The following ART3 variants were observed in gnomAD, a reference collection of about 807,000 sequenced individuals.
The protein encoded by ART3 is ADP-ribosyltransferase 3 (inactive), also known as ecto-ADP-ribosyltransferase 3.
ART3 carries 49 observed loss-of-function variants against 48.5 expected under a neutral mutation model. The ratio of observed to expected loss-of-function variants is 1.01; its 90% CI spans 0.80 to 1.28. ART3 has a LOEUF of 1.28. Among genes scored for constraint, ART3 ranks in the 50% most tolerant of loss-of-function variants. The probability of loss-of-function intolerance (pLI) is 0.00; values close to 1 mark genes in which losing one functional copy is unlikely to be tolerated. For missense variants in ART3, 438 were observed against 454.3 expected (o/e 0.96, Z 0.33); for synonymous variants, 145 against 157.2 (o/e 0.92, Z 0.58).
At chr4:76,112,260 A>G in intron 11 of ART3, 126 bp from the exon 12 acceptor site, 1 of 1,198,842 alleles carries the variant, frequency 8.3e-7, no homozygotes, top group Non-Finnish European at 1.1e-6. Flanking sequence ...TTTGGCTGGA[A>G]GTATTTCAGG....
intron 1 of ART3, among the ~76,000 whole-genome samples, chr4:76,017,972 C>A (rs897272904): frequency 6.6e-6 from 1 of 152,234 alleles, no homozygotes; most frequent in African/African-American, 2.4e-5. Flanking sequence ...TCTTTCCTAC[C>A]TGGTTTTAAC....
At chr4:76,055,662 C>A (rs540681776) in intron 1 of ART3, among the ~76,000 whole-genome samples, 1 of 152,176 alleles carries the variant, frequency 6.6e-6, no homozygotes, top group Admixed American at 6.5e-5. Flanking sequence ...AAATGTGGAA[C>A]AATTTGGGAT....
At chr4:76,100,014 C>T (rs1726917365) in intron 5 of ART3, among the ~76,000 whole-genome samples, 1 of 152,182 alleles carries the variant, frequency 6.6e-6, no homozygotes, top group African/African-American at 2.4e-5. Flanking sequence ...TTAGCTGACT[C>T]TTCAACAAAG....
chr4:76,043,550 G>A (rs1228392439), intron 1 of ART3, among the ~76,000 whole-genome samples: 2 of 152,116 alleles, frequency 1.3e-5, no homozygotes, highest in East Asian at 1.9e-4. Flanking sequence ...CTCATTGCCC[G>A]GGGCCGGCAG....
In ART3 at chr4:76,101,037, A is replaced by G. The variant is rs908241625; in HGVS notation, c.937+18A>G. On this transcript the variant is annotated intron_variant, in intron 8 of 11. Transcript: ENST00000355810. Reference sequence around the variant, plus strand: ...AGACCATGGTAAGACATTTATGTAAATTCTGGGGGCTTACATTTTGCAATA... The same window carrying G: ...AGACCATGGTAAGACATTTATGTAAGTTCTGGGGGCTTACATTTTGCAATA... 6.2e-7 allele frequency: 1 copy of G among 1,612,660 alleles called. No individual in the cohort carries two copies. The highest frequency in any genetic ancestry group is 8.5e-7 in the Non-Finnish European group (1 of 1,179,736).
intron 1 of ART3, among the ~76,000 whole-genome samples, chr4:76,059,386 G>A (rs12510335): frequency 0.58 from 83,392 of 142,822 alleles, 24,851 homozygotes; most frequent in East Asian, 0.93. Flanking sequence ...TTTTTTTCCT[G>A]AGCTTTATTT....
In ART3 at chr4:76,112,383, C is replaced by A; in HGVS notation, c.1037-3C>A. The A allele has an allele frequency of 6.2e-7, 1 of 1,612,038 alleles. No homozygotes were observed. Among genetic ancestry groups the A allele is most frequent in the Non-Finnish European group, 8.5e-7 (1 of 1,179,254 alleles). ...GTCAGTGACTGTGTATTCTTGTTAA[C>A]AGCTCCAGGTCCAGTTCCTGTTCCA... On this transcript the variant is annotated splice_region_variant and splice_polypyrimidine_tract_variant and intron_variant, in intron 11 of 11. Transcript: ENST00000355810.
At chr4:76,013,914 C>A (rs1441363082) in intron 1 of ART3, among the ~76,000 whole-genome samples, 3 of 152,178 alleles carry the variant, frequency 2.0e-5, no homozygotes, top group African/African-American at 7.2e-5. Flanking sequence ...GCATTTCCTA[C>A]CTTTTTAAGA....
At chr4:76,109,607 A>G (rs541236192) in intron 11 of ART3, among the ~76,000 whole-genome samples, 15 of 152,336 alleles carry the variant, frequency 9.8e-5, no homozygotes, top group African/African-American at 3.4e-4. Flanking sequence ...CAGTTATACA[A>G]CTGGCAGTGC....
rs1203546303 is a variant in ART3 at position 76,098,135 on chromosome 4, A to G, written c.814+459A>G. Among the ~76,000 whole-genome samples the G allele has an allele frequency of 3.9e-5, 6 of 152,142 alleles. No homozygotes were observed. In the East Asian group the frequency reaches 1.2e-3, roughly 29 times the overall value. ...GAATATAGGTCGAGGAAGGAGGAGA[A>G]TGGGATGACAGAAGGGTAATGCGGT... is the stretch of plus-strand genomic sequence containing the variant. On this transcript the variant is annotated intron_variant, in intron 4 of 11. Coordinates refer to ENST00000355810, the MANE Select transcript of ART3 (RefSeq NM_001130016.3).
intron 1 of ART3, among the ~76,000 whole-genome samples, chr4:76,042,819 TGTGG>T: frequency 6.6e-6 from 1 of 151,972 alleles, no homozygotes; most frequent in Non-Finnish European, 1.5e-5. Context: ...GCTTCCACAG[TGTGG>T]AAGGGGACCT....
intron 3 of ART3, among the ~76,000 whole-genome samples, chr4:76,095,923 A>AT (rs5859492): frequency 1.4e-4 from 21 of 145,676 alleles, no homozygotes; most frequent in East Asian, 4.0e-4. Context: ...CTGAGACAAC[A>AT]TTTTTTTTTT....
intron 2 of ART3, among the ~76,000 whole-genome samples, chr4:76,080,724 T>A (rs1722275495): frequency 1.3e-5 from 2 of 152,110 alleles, no homozygotes; most frequent in African/African-American, 4.8e-5. Flanking sequence ...TTAGCCAGGC[T>A]GGTCTTGAAC....
rs906963139 is a variant in ART3, at chr4:76,022,886, T to C, written c.-10+11566T>C. The C allele has an allele frequency of 2.6e-6, 4 of 1,528,082 alleles. No homozygotes were observed. The Admixed American group carries it at 7.5e-5, about 28-fold the overall frequency. 94.7% of individuals were successfully genotyped at this position (1,528,082 alleles called of 1,614,324 possible). ...ATTTTAGGCATTTAATGTAGACTGGTGGTATTTAGCAGAACCTATATCCCC... is the reference window on the plus strand; with the variant it reads ...ATTTTAGGCATTTAATGTAGACTGGCGGTATTTAGCAGAACCTATATCCCC... On this transcript the variant is annotated intron_variant, in intron 1 of 9. Transcript: ENST00000341029.
rs7685216 is a variant in ART3 at position 76,100,228 on chromosome 4, A to G, written c.848-63A>G. The G allele has an allele frequency of 2.8e-3, 4,194 of 1,521,730 alleles. 102 individuals are homozygous for G. The African/African-American group carries it at 0.052, about 19-fold the overall frequency. The allele number at this position is 1,521,730 out of a possible 1,614,324, so 94.3% of individuals were successfully genotyped here. On this transcript the variant is annotated intron_variant, in intron 5 of 11. Coordinates refer to ENST00000355810, the MANE Select transcript of ART3 (RefSeq NM_001130016.3). ...TCCTGAAAATAATTTTGCTGTAGCA[A>G]TAGTAACTGCCAGTTCTTTTGTTCC... is the stretch of plus-strand genomic sequence containing the variant.
chr4:76,052,731 T>TTTTTTTG (rs1221044441), intron 1 of ART3, among the ~76,000 whole-genome samples: 1 of 150,946 alleles, frequency 6.6e-6, no homozygotes, highest in Non-Finnish European at 1.5e-5. Flanking sequence ...TTTTTTTTTT[T>TTTTTTTG]TAAGACAGAG....
chr4:76,011,335 T>C, intron 1 of ART3: 1 of 152,632 alleles, frequency 6.6e-6, no homozygotes, highest in Non-Finnish European at 1.5e-5. Context: ...GGGTTGTGCC[T>C]TCAGGATCTC....
At position 76,030,131 on chromosome 4, in the gene ART3, A is replaced by T. The variant is rs550879957; in HGVS notation, c.-10+18811A>T. 9.3e-4 allele frequency among the ~76,000 whole-genome samples: 141 copies of T among 152,264 alleles called. 4 individuals are homozygous for T. Among genetic ancestry groups the T allele is most frequent in the Admixed American group, 8.8e-3 (134 of 15,310 alleles). ...GAGTGCAATGACGCGATCTCGGCTC[A>T]CTGCAACCTCCACCTCCCGGGTTCA... On this transcript the variant is annotated intron_variant, in intron 1 of 9. Transcript: ENST00000341029.
At chr4:76,080,797 C>A in intron 2 of ART3, among the ~76,000 whole-genome samples, 1 of 152,196 alleles carries the variant, frequency 6.6e-6, no homozygotes, top group Admixed American at 6.5e-5. Context: ...ACATGAGCCA[C>A]TGCACCTGGC....
Sources: gnomAD v4.1 joint callset for allele counts (sites outside exome capture counted in the v4.1 genomes callset) on GRCh38, gnomAD v4.1.1 for gene constraint, MANE v1.5 for transcripts, NCBI Gene and HGNC (gene_info 2026-07-23, HGNC 2026-07-21) for gene names.